EIF4A2: variants seen among roughly 807,000 people sequenced by gnomAD.
The protein encoded by EIF4A2 is eukaryotic translation initiation factor 4A2.
In EIF4A2, 9 loss-of-function variants were observed where a neutral mutation model predicts 50.6. The ratio of observed to expected loss-of-function variants is 0.18; its 90% CI spans 0.11 to 0.31. The LOEUF (loss-of-function observed/expected upper bound fraction) is 0.31, where lower values mean the gene tolerates loss of function less well. Among genes scored for constraint, EIF4A2 ranks in the 10% least tolerant of loss-of-function variants. The pLI is 1.00. For missense variants in EIF4A2, 182 were observed against 501.8 expected, an observed-to-expected ratio of 0.36 and a Z score of 6.09; for synonymous variants, 215 against 164.4, an observed-to-expected ratio of 1.31 and a Z score of -2.35.
chr3:186,786,135 A>G, intron 5 of EIF4A2, 29 bp from the exon 6 acceptor site: 1 of 1,609,612 alleles, frequency 6.2e-7, no homozygotes, highest in South Asian at 1.1e-5. Context: ...GTAGATCTAG[A>G]AATGACAGTA....
At position 186,784,949 on chromosome 3, in the gene EIF4A2, C is replaced by T. The variant is rs1190969155; in HGVS notation, c.209-13C>T. On this transcript the variant is annotated splice_polypyrimidine_tract_variant and intron_variant, in intron 3 of 10. Coordinates refer to ENST00000323963, the MANE Select transcript of EIF4A2 (RefSeq NM_001967.4). ...GATGTGGGATCGGTAAATGTGTATC[C>T]TACTTTTTTTAGGGTATGATGTGAT... The T allele has an allele frequency of 6.2e-7, 1 of 1,614,040 alleles. No homozygotes were observed. The highest frequency in any genetic ancestry group is 1.7e-5 in the Admixed American group (1 of 60,012).
chr3:186,784,772 A>G, intron 3 of EIF4A2, 76 bp downstream of exon 3: 1 of 1,607,564 alleles, frequency 6.2e-7, no homozygotes, highest in Non-Finnish European at 8.5e-7. Flanking sequence ...CCTCTGGGGG[A>G]CTAGCACCTG....
At chr3:186,786,757 A>G in intron 7 of EIF4A2, 112 bp downstream of exon 7, 1 of 1,422,326 alleles carries the variant, frequency 7.0e-7, no homozygotes, top group Non-Finnish European at 9.9e-7. Flanking sequence ...CAGAGTACAC[A>G]CAAGAAGAAA....
rs767653904 is a variant in EIF4A2, at chr3:186,783,598, G to A, written c.-13G>A. 17 of 1,614,010 alleles carry A rather than the reference G, an allele frequency of 1.1e-5. No individual in the cohort carries two copies. Among genetic ancestry groups the A allele is most frequent in the South Asian group, 1.1e-5 (1 of 91,088 alleles). On this transcript the variant is annotated 5_prime_UTR_variant, in exon 1 of 11. Transcript: ENST00000323963. ...CTGTCTTTTCAGTCGGGCGCTGAGTGGTTTTTCGGATCATGTCTGGTGGCT... is the reference window on the plus strand; with the variant it reads ...CTGTCTTTTCAGTCGGGCGCTGAGTAGTTTTTCGGATCATGTCTGGTGGCT...
In EIF4A2 at chr3:186,787,756, G is replaced by T. The variant is rs368945094; in HGVS notation, c.1000-47G>T. 1.9e-6 allele frequency: 3 copies of T among 1,612,780 alleles called. No individual in the cohort carries two copies. The African/African-American group carries it at 4.0e-5, about 22-fold the overall frequency. ...CTATTTTGTGGCCTACATGACAGGT[G>T]TCAAGTTTTTTTGAATCAATTTTTA... On this transcript the variant is annotated intron_variant, in intron 9 of 10. Coordinates refer to ENST00000323963, the MANE Select transcript of EIF4A2 (RefSeq NM_001967.4).
Position 186,789,713 on chromosome 3 carries a change from G to C in EIF4A2, c.*444G>C. The C allele has an allele frequency of 5.1e-6, 2 of 392,656 alleles. No homozygotes were observed. Among genetic ancestry groups the C allele is most frequent in the Admixed American group, 8.4e-5 (2 of 23,914 alleles). The allele number at this position is 392,656 out of a possible 1,614,324, so 24.3% of individuals were successfully genotyped here. On this transcript the variant is annotated 3_prime_UTR_variant, in exon 11 of 11. Coordinates refer to ENST00000323963, the MANE Select transcript of EIF4A2 (RefSeq NM_001967.4). The stretch of plus-strand genomic sequence containing the variant: ...TTTAAAATTTTTTTAGAAAGCATTT[G>C]AATGCATTTTGTTTGGTATTGTATT...
chr3:186,786,343 C>G (rs1346535925), intron 6 of EIF4A2, 70 bp downstream of exon 6: 9 of 1,532,732 alleles, frequency 5.9e-6, no homozygotes, highest in Non-Finnish European at 8.0e-6. Flanking sequence ...TGTTACAATA[C>G]AACTGATGTG....
chr3:186,787,693 A>T (rs1355969047), intron 9 of EIF4A2, 109 bp downstream of exon 9: 1 of 1,579,700 alleles, frequency 6.3e-7, no homozygotes, highest in East Asian at 2.2e-5. Flanking sequence ...AAAAGACCAC[A>T]CTCCACAGTG....
At chr3:186,784,733 A>G (rs1325700012) in intron 3 of EIF4A2, 37 bp downstream of exon 3, 7 of 1,611,820 alleles carry the variant, frequency 4.3e-6, no homozygotes, top group Non-Finnish European at 5.1e-6. Context: ...ATTGTTCTAC[A>G]TAGACATGAA....
At chr3:186,784,819 TTCGGGACTGACCTGAAATGAAGAG>T (rs1245219898) in intron 3 of EIF4A2, 119 bp from the exon 4 acceptor site, 1 of 1,599,428 alleles carries the variant, frequency 6.3e-7, no homozygotes, top group East Asian at 2.2e-5. Context: ...GCAATCATCT[TTCGGGACTGACCTGAAATGAAGAG>T]AATACTCATT....
At chr3:186,786,781 G>A (rs754110393) in intron 7 of EIF4A2, 136 bp downstream of exon 7, 6 of 1,232,878 alleles carry the variant, frequency 4.9e-6, no homozygotes, top group Non-Finnish European at 7.2e-6. Flanking sequence ...AACAGCACTA[G>A]ATTGTAAAGA....
Position 186,789,853 on chromosome 3 carries a change from C to G in EIF4A2, c.*584C>G. ...AGTAAAATTGCCATATTGCACATGT[C>G]TTAATGAAGTTTGAATGTTAAATAA... On this transcript the variant is annotated 3_prime_UTR_variant, in exon 11 of 11. Coordinates refer to ENST00000323963, the MANE Select transcript of EIF4A2 (RefSeq NM_001967.4). 1.4e-6 allele frequency: 1 copy of G among 735,398 alleles called. No individual in the cohort carries two copies. Among genetic ancestry groups the G allele is most frequent in the Non-Finnish European group, 2.2e-6 (1 of 447,612 alleles). 45.6% of individuals were successfully genotyped at this position (735,398 alleles called of 1,614,324 possible).
intron 1 of EIF4A2, 107 bp downstream of exon 1, chr3:186,783,746 C>T (rs1721507210): frequency 1.3e-6 from 2 of 1,563,534 alleles, no homozygotes; most frequent in East Asian, 2.2e-5. Context: ...TGGACGTTTT[C>T]TTAGGGTACA....
chr3:186,786,999 C>T, intron 7 of EIF4A2, 128 bp from the exon 8 acceptor site: 2 of 1,354,004 alleles, frequency 1.5e-6, no homozygotes, highest in Non-Finnish European at 2.1e-6. Flanking sequence ...GAACTCTGGG[C>T]TCTAAGTGCT....
At chr3:186,787,431 T>C (rs777048233) in intron 8 of EIF4A2, 64 bp from the exon 9 acceptor site, 1 of 1,610,160 alleles carries the variant, frequency 6.2e-7, no homozygotes, top group Non-Finnish European at 8.5e-7. Flanking sequence ...GTCTCATACA[T>C]GTTGATTAAA....
chr3:186,788,307 C>T, intron 10 of EIF4A2: 1 of 1,290,708 alleles, frequency 7.7e-7, no homozygotes, highest in Non-Finnish European at 1.0e-6. Context: ...TTAAAAAATA[C>T]AGGAGTCGAT....
chr3:186,785,221 C>T lies in EIF4A2; in HGVS notation c.348+120C>T, dbSNP rs1177293167. The T allele has an allele frequency of 2.8e-6, 4 of 1,429,060 alleles. No individual in the cohort carries two copies. In the African/African-American group the frequency reaches 4.3e-5, roughly 15 times the overall value. The allele number at this position is 1,429,060 out of a possible 1,614,324, so 88.5% of individuals were successfully genotyped here. ...CTACCAGATCCCTCCTTTTAATTGT[C>T]CATGCATGCAGGGAGTTTTTGTTGA... is the stretch of plus-strand genomic sequence containing the variant. On this transcript the variant is annotated intron_variant, in intron 4 of 10. Transcript: ENST00000323963.
chr3:186,786,546 G>A lies in EIF4A2; in HGVS notation c.672G>A (p.Val224=). 6.2e-7 allele frequency: 1 copy of A among 1,613,058 alleles called. No individual in the cohort carries two copies. The highest frequency in any genetic ancestry group is 8.5e-7 in the Non-Finnish European group (1 of 1,179,978). ...CAATGCCAACTGATGTGTTGGAAGT[G>A]ACCAAAAAATTCATGAGAGATCCAA... The part of the protein sequence containing the change: ...SATMPTDVLE[V]TKKFMRDPIR... The change falls in exon 7 of 11, where the codon GTG becomes GTA. Residue 224 remains valine, a synonymous_variant. Coordinates refer to ENST00000323963, the MANE Select transcript of EIF4A2 (RefSeq NM_001967.4).
intron 10 of EIF4A2, chr3:186,788,185 A>G (rs1319068219): frequency 1.6e-5 from 13 of 819,036 alleles, no homozygotes; most frequent in Non-Finnish European, 2.3e-5. Flanking sequence ...TATAGTTGGG[A>G]TTTTCTTGGT....
Sources: gnomAD v4.1 joint callset for allele counts on GRCh38, gnomAD v4.1.1 for gene constraint, MANE v1.5 for transcripts, NCBI Gene and HGNC (gene_info 2026-07-23, HGNC 2026-07-21) for gene names.